Variants in MVP observed in about 807,000 individuals in gnomAD.
MVP encodes lung resistance-related protein.
Under a neutral mutation model 83.5 loss-of-function variants are expected in MVP, and 62 were observed. That is an observed-to-expected ratio of 0.74 (90% CI 0.61 to 0.92). The LOEUF is 0.92. Ranked by LOEUF, MVP falls within the 40% of genes least tolerant of loss-of-function variation. The probability of loss-of-function intolerance (pLI) is 0.00; values close to 1 mark genes in which losing one functional copy is unlikely to be tolerated. For synonymous variants in MVP, 505 were observed against 504.1 expected, an observed-to-expected ratio of 1.00 and a Z score of -0.02; for missense variants, 1,000 against 1,203.4, an observed-to-expected ratio of 0.83 and a Z score of 2.50.
At chr16:29,826,904 C>T (rs968859111) in intron 1 of MVP, among the ~76,000 whole-genome samples, 14 of 143,564 alleles carry the variant, frequency 9.8e-5, no homozygotes, top group South Asian at 2.2e-4. Context: ...TCCAGCCTGG[C>T]GACAGAGTGA....
Position 29,845,360 on chromosome 16 carries a change from G to C in MVP, c.2021+481G>C, listed in dbSNP as rs181301218. On this transcript the variant is annotated intron_variant, in intron 11 of 14. Transcript: ENST00000357402. ...CTCGTCCCTGGAACATGTTCCAGCT[G>C]ACATGTTCCAGCCCCACTGGCTTCC... is the stretch of plus-strand genomic sequence containing the variant. Among the ~76,000 whole-genome samples, 4 of 151,894 alleles carry C rather than the reference G, an allele frequency of 2.6e-5. No homozygotes were observed. The East Asian group carries it at 7.8e-4, about 30-fold the overall frequency.
chr16:29,821,766 T>C (rs2067363378), intron 1 of MVP, among the ~76,000 whole-genome samples: 2 of 152,210 alleles, frequency 1.3e-5, no homozygotes, highest in Admixed American at 6.5e-5. Flanking sequence ...CATGAGTTAA[T>C]TGAGGGCACT....
Position 29,833,853 on chromosome 16 carries a change from C to T in MVP, c.442C>T (p.Pro148Ser). ...AGGAGATGAGTGGCTTTTCGAGGGACCTGGTAAGTTCTGTCTCCATAGGGC... is the reference window on the plus strand; with the variant it reads ...AGGAGATGAGTGGCTTTTCGAGGGATCTGGTAAGTTCTGTCTCCATAGGGC... Reference protein sequence around the residue: ...VAGDEWLFEGPGTYIPRKEVE... With the variant: ...VAGDEWLFEGSGTYIPRKEVE... Residue 148 changes from proline (P) to serine (S), a missense_variant, in exon 4 of 15, where the codon CCT (proline) becomes TCT (serine). Coordinates refer to ENST00000357402, the MANE Select transcript of MVP (RefSeq NM_005115.5). The T allele has an allele frequency of 6.2e-7, 1 of 1,614,026 alleles. No homozygotes were observed. The highest frequency in any genetic ancestry group is 1.1e-5 in the South Asian group (1 of 91,076).
intron 3 of MVP, chr16:29,831,915 G>T: frequency 2.9e-6 from 1 of 340,784 alleles, no homozygotes; most frequent in South Asian, 2.3e-5. Flanking sequence ...TTACCTTCTG[G>T]CCATTTAATG....
intron 5 of MVP, 28 bp from the exon 6 acceptor site, chr16:29,835,676 T>C: frequency 6.2e-7 from 1 of 1,603,762 alleles, no homozygotes; most frequent in Non-Finnish European, 8.5e-7. Flanking sequence ...GGGGGGCCCT[T>C]GTCCCTTACC....
At chr16:29,842,409 G>A (rs1009258664) in intron 10 of MVP, among the ~76,000 whole-genome samples, 4 of 152,014 alleles carry the variant, frequency 2.6e-5, no homozygotes, top group South Asian at 2.1e-4. Context: ...GGATTCAAGC[G>A]AGTCTCCTGC....
At chr16:29,821,878 G>A (rs1273343399) in intron 1 of MVP, among the ~76,000 whole-genome samples, 1 of 152,204 alleles carries the variant, frequency 6.6e-6, no homozygotes, top group Non-Finnish European at 1.5e-5. Flanking sequence ...CGGAAACTTA[G>A]ACCCAGTGAG....
chr16:29,844,807 C>T lies in MVP; in HGVS notation c.1949C>T (p.Thr650Ile). Residue 650 changes from threonine to isoleucine, a missense_variant, in exon 11 of 15, where the codon ACC becomes ATC. Thr to Ile is a moderately conservative substitution (Grantham distance 89). Coordinates refer to ENST00000357402, the MANE Select transcript of MVP (RefSeq NM_005115.5). ...VQSVEPVDQRTRDALQRSVQL... is the reference protein window; with the variant it reads ...VQSVEPVDQRIRDALQRSVQL... ...TCAGTGGAGCCTGTGGATCAGAGGACCCGGGACGCCCTGCAACGCAGCGTC... is the reference window on the plus strand; with the variant it reads ...TCAGTGGAGCCTGTGGATCAGAGGATCCGGGACGCCCTGCAACGCAGCGTC... 2 of 1,609,170 alleles carry T rather than the reference C, an allele frequency of 1.2e-6. No homozygotes were observed. The highest frequency in any genetic ancestry group is 1.3e-5 in the African/African-American group (1 of 75,048).
intron 1 of MVP, chr16:29,821,401 C>T: frequency 6.6e-6 from 1 of 152,312 alleles, no homozygotes; most frequent in Non-Finnish European, 1.5e-5. Context: ...GGTAGGGGGG[C>T]CACCTTGAGT....
At chr16:29,835,851 G>A (rs987359695) in intron 6 of MVP, 53 bp downstream of exon 6, 21 of 1,435,700 alleles carry the variant, frequency 1.5e-5, no homozygotes, top group East Asian at 9.2e-5. Flanking sequence ...GGAACCCTCC[G>A]AGTGGCAGAG....
At chr16:29,845,186 C>A (rs1403896924) in intron 11 of MVP, among the ~76,000 whole-genome samples, 1 of 147,720 alleles carries the variant, frequency 6.8e-6, no homozygotes, top group East Asian at 2.0e-4. Context: ...GGGAGACTGA[C>A]CCTGTCTCAA....
rs1193787689 is a variant in MVP, at chr16:29,830,174, G to C, written c.-35-341G>C. The C allele has an allele frequency of 3.2e-5, 6 of 188,094 alleles. 1 individual carries two copies. In the East Asian group the frequency reaches 4.3e-4, roughly 13 times the overall value. 11.7% of individuals were successfully genotyped at this position (188,094 alleles called of 1,614,324 possible). Reference sequence around the variant, plus strand: ...AGCTTGCTGTATCTCTCCACCGTAAGAGACTGGGAGCACCTTGATCTGAAG... The same window carrying C: ...AGCTTGCTGTATCTCTCCACCGTAACAGACTGGGAGCACCTTGATCTGAAG... On this transcript the variant is annotated intron_variant, in intron 1 of 14. Coordinates refer to ENST00000357402, the MANE Select transcript of MVP (RefSeq NM_005115.5).
intron 1 of MVP, among the ~76,000 whole-genome samples, chr16:29,828,314 C>G (rs1032430350): frequency 3.3e-5 from 5 of 152,168 alleles, no homozygotes; most frequent in African/African-American, 1.2e-4. Flanking sequence ...AGTCCAAAGA[C>G]AGCACAGATT....
At chr16:29,847,548 G>A (rs1195260621) in intron 14 of MVP, among the ~76,000 whole-genome samples, 163 bp downstream of exon 14, 1 of 152,128 alleles carries the variant, frequency 6.6e-6, no homozygotes, top group African/African-American at 2.4e-5. Flanking sequence ...CTGCATCAAC[G>A]TCAGGCACTG....
intron 3 of MVP, 124 bp from the exon 4 acceptor site, chr16:29,833,609 C>A: frequency 1.5e-6 from 2 of 1,355,796 alleles, no homozygotes; most frequent in Non-Finnish European, 2.0e-6. Context: ...TGTGCCCGGC[C>A]TCCACCCCAG....
rs754564483 is a variant in MVP, at chr16:29,836,916, A to G, written c.867A>G (p.Gly289=). ...ACTGCGTGATTCTCGACCCTGTCGG[A>G]CCGGATGGCAAGAATCAGCTGGGGC... ...HNYCVILDPV[G]PDGKNQLGQK... The change falls in exon 7 of 15, where the codon GGA becomes GGG. Residue 289 remains glycine, a synonymous_variant. Coordinates refer to ENST00000357402, the MANE Select transcript of MVP (RefSeq NM_005115.5). 2 of 1,613,888 alleles carry G rather than the reference A, an allele frequency of 1.2e-6. No individual in the cohort carries two copies. Among genetic ancestry groups the G allele is most frequent in the South Asian group, 1.1e-5 (1 of 91,068 alleles).
At chr16:29,847,094 G>GCAGGAGGATCCTTTGAGC in intron 13 of MVP, 103 bp from the exon 14 acceptor site, 1 of 1,277,672 alleles carries the variant, frequency 7.8e-7, no homozygotes. Flanking sequence ...GGAGGCTGAG[G>GCAGGAGGATCCTTTGAGC]CAGGAGGATC....
At chr16:29,840,079 C>A in intron 7 of MVP, 99 bp from the exon 8 acceptor site, 1 of 1,312,228 alleles carries the variant, frequency 7.6e-7, no homozygotes, top group South Asian at 1.4e-5. Flanking sequence ...GTGCTCTTGT[C>A]CTCCACACAG....
intron 3 of MVP, among the ~76,000 whole-genome samples, chr16:29,832,518 C>T (rs1384186237): frequency 1.3e-4 from 19 of 147,942 alleles, no homozygotes; most frequent in Non-Finnish European, 2.7e-4. Context: ...AGGGTGGTCT[C>T]GATCTCCTGA....
Sources: allele counts gnomAD v4.1 joint callset (sites outside exome capture counted in the v4.1 genomes callset), GRCh38; gene constraint gnomAD v4.1.1; transcripts MANE v1.5; gene names NCBI Gene and HGNC (gene_info 2026-07-23, HGNC 2026-07-21).